INTS7: variants seen among roughly 807,000 people sequenced by gnomAD.
INTS7 encodes the protein integrator complex subunit 7, also known as chromosome 1 open reading frame 73.
In INTS7, 46 loss-of-function variants were observed where a neutral mutation model predicts 109.2. The observed-to-expected ratio is 0.42, with a 90% CI of 0.33 to 0.54. INTS7 has a LOEUF of 0.54. Among genes scored for constraint, INTS7 ranks in the 20% least tolerant of loss-of-function variants. The probability of loss-of-function intolerance (pLI) is 0.07; values close to 1 mark genes in which losing one functional copy is unlikely to be tolerated. For missense variants in INTS7, 929 were observed against 1,132.4 expected (o/e 0.82, Z 2.58); for synonymous variants, 412 against 402.9 (o/e 1.02, Z -0.27).
chr1:211,950,696 G>A (rs887258062), intron 17 of INTS7, among the ~76,000 whole-genome samples: 3 of 152,226 alleles, frequency 2.0e-5, no homozygotes, highest in African/African-American at 7.2e-5. Flanking sequence ...ATAAAAGGAT[G>A]TTAAGCAATG....
At chr1:211,991,161 A>G (rs759870032) in intron 7 of INTS7, among the ~76,000 whole-genome samples, 7 of 152,246 alleles carry the variant, frequency 4.6e-5, no homozygotes, top group Non-Finnish European at 7.3e-5. Context: ...TCCATTTAAA[A>G]GACTGAAATT....
chr1:211,955,072 G>A (rs138270581), intron 16 of INTS7, among the ~76,000 whole-genome samples: 1,667 of 152,238 alleles, frequency 0.011, 29 homozygotes, highest in African/African-American at 0.037. Context: ...ATTTCATTGA[G>A]CAATGGTTTG....
chr1:211,973,471 TCTC>T (rs1666201560), intron 13 of INTS7, among the ~76,000 whole-genome samples: 1 of 152,190 alleles, frequency 6.6e-6, no homozygotes, highest in African/African-American at 2.4e-5. Context: ...ATTTTGAACT[TCTC>T]CTGTTTAGTG....
intron 4 of INTS7, among the ~76,000 whole-genome samples, chr1:212,016,630 A>G (rs944945625): frequency 1.3e-5 from 2 of 152,244 alleles, no homozygotes; most frequent in African/African-American, 2.4e-5. Context: ...GCCTTCTCCA[A>G]CTAATCTATG....
intron 7 of INTS7, among the ~76,000 whole-genome samples, chr1:211,993,355 G>A (rs1665225684): frequency 6.6e-6 from 1 of 152,194 alleles, no homozygotes; most frequent in Admixed American, 6.5e-5. Context: ...CTCTGTAACA[G>A]AGAGGTTGCA....
chr1:211,946,832 T>G lies in INTS7; in HGVS notation c.2317-127A>C. The G allele has an allele frequency of 1.8e-6, 1 of 569,434 alleles. No individual in the cohort carries two copies. Among genetic ancestry groups the G allele is most frequent in the Non-Finnish European group, 3.1e-6 (1 of 325,200 alleles). The allele number at this position is 569,434 out of a possible 1,614,324, so 35.3% of individuals were successfully genotyped here. ...ACAAAGGTACATACCAATCAAGAACTAGGCATCACATCCAGGAACTGTGCA... is the reference window on the plus strand; with the variant it reads ...ACAAAGGTACATACCAATCAAGAACGAGGCATCACATCCAGGAACTGTGCA... On this transcript the variant is annotated intron_variant, in intron 17 of 19. Transcript: ENST00000366994. The surrounding 1 kb of genome is among the most constrained non-coding windows in gnomAD (Gnocchi z 4.3).
rs767879659 is a variant in INTS7, at chr1:211,952,571, T to C, written c.2314A>G (p.Met772Val). Residue 772 changes from methionine to valine, a missense_variant and splice_region_variant, in exon 17 of 20, where the codon ATG (methionine) becomes GTG (valine). Physicochemically the swap from Met to Val is conservative, Grantham distance 21. Transcript: ENST00000366994. ...TCAATAAAACAAATGCCACTTGCCA[T>C]ATAAGAAACAGGGGTATATTTCCGA... ...LNRKYTPVSYMHTACLCNAII... is the reference protein window; with the variant it reads ...LNRKYTPVSYVHTACLCNAII... 1 of 1,611,918 alleles carries C rather than the reference T, an allele frequency of 6.2e-7. No homozygotes were observed. The highest frequency in any genetic ancestry group is 8.5e-7 in the Non-Finnish European group (1 of 1,179,294).
intron 16 of INTS7, among the ~76,000 whole-genome samples, chr1:211,953,628 C>T (rs1294585738): frequency 6.8e-6 from 1 of 147,758 alleles, no homozygotes; most frequent in Non-Finnish European, 1.5e-5. Flanking sequence ...TCAACTCCCA[C>T]CTATGAGTGA....
At chr1:211,943,118 C>T (rs1018904966) in intron 19 of INTS7, among the ~76,000 whole-genome samples, 8 of 151,886 alleles carry the variant, frequency 5.3e-5, no homozygotes, top group African/African-American at 1.9e-4. Context: ...GTTTTTATTT[C>T]CCTAAAGAAT....
At chr1:212,015,499 T>C (rs910521941) in intron 4 of INTS7, among the ~76,000 whole-genome samples, 2 of 151,978 alleles carry the variant, frequency 1.3e-5, no homozygotes, top group Non-Finnish European at 2.9e-5. Context: ...AAACAGATGC[T>C]TGAAGGCAGC....
chr1:211,968,004 A>G (rs1663985097), intron 14 of INTS7, 23 bp from the exon 15 acceptor site: 1 of 1,267,238 alleles, frequency 7.9e-7, no homozygotes, highest in South Asian at 1.3e-5. Flanking sequence ...ATCAATTATG[A>G]CAAACAAACA....
At position 212,012,686 on chromosome 1, in the gene INTS7, G is replaced by A. The variant is rs1049513744; in HGVS notation, c.510-1265C>T. 8.5e-5 allele frequency among the ~76,000 whole-genome samples: 13 copies of A among 152,276 alleles called. No homozygotes were observed. In the South Asian group the frequency reaches 2.7e-3, roughly 32 times the overall value. On this transcript the variant is annotated intron_variant, in intron 4 of 19. Transcript: ENST00000366994. ...ATTAAAAACTGTTTCTACATAAACT[G>A]CTAATTTAGATGTTTAATCATCATT...
At chr1:211,997,392 C>T (rs1208925983) in intron 7 of INTS7, among the ~76,000 whole-genome samples, 1 of 151,642 alleles carries the variant, frequency 6.6e-6, no homozygotes, top group African/African-American at 2.4e-5. Context: ...AAAAATTAGA[C>T]AGGCATGGTG....
At chr1:211,989,163 T>C (rs77857229) in intron 7 of INTS7, among the ~76,000 whole-genome samples, 3,971 of 152,224 alleles carry the variant, frequency 0.026, 88 homozygotes, top group Non-Finnish European at 0.042. Context: ...ATCAATAAAA[T>C]TGTCAACAAA....
chr1:211,995,801 C>A (rs1210014849), intron 7 of INTS7, among the ~76,000 whole-genome samples: 1 of 152,152 alleles, frequency 6.6e-6, no homozygotes, highest in African/African-American at 2.4e-5. Flanking sequence ...AGAAGAAGCA[C>A]AAGGGAGTGT....
chr1:211,956,934 T>A (rs772970893), intron 16 of INTS7, among the ~76,000 whole-genome samples: 8 of 152,212 alleles, frequency 5.3e-5, no homozygotes, highest in Non-Finnish European at 1.2e-4. Flanking sequence ...TTCTCTTCGG[T>A]AGAACAGTAG....
intron 5 of INTS7, among the ~76,000 whole-genome samples, chr1:212,009,248 T>G (rs547093601): frequency 1.3e-5 from 2 of 152,330 alleles, no homozygotes; most frequent in East Asian, 3.9e-4. Context: ...TCTTTCAGAT[T>G]TTTTTAAGAT....
intron 1 of INTS7, among the ~76,000 whole-genome samples, chr1:212,033,976 G>A (rs1467411806): frequency 4.6e-5 from 7 of 152,064 alleles, no homozygotes; most frequent in African/African-American, 1.7e-4. Flanking sequence ...CCAGCTACTC[G>A]GGAGGCTGAG....
chr1:212,019,262 T>A (rs3009984), intron 3 of INTS7, among the ~76,000 whole-genome samples: 69,236 of 145,858 alleles, frequency 0.47, 16,146 homozygotes, highest in Middle Eastern at 0.52. Context: ...ATAAATAAAT[T>A]AATTAATTAA....
Sources: allele counts gnomAD v4.1 joint callset (sites outside exome capture counted in the v4.1 genomes callset), GRCh38; gene constraint gnomAD v4.1.1; non-coding constraint Gnocchi (gnomAD v3.1); transcripts MANE v1.5; gene names NCBI Gene and HGNC (gene_info 2026-07-23, HGNC 2026-07-21).